The following GABRG2 variants were observed in gnomAD, a reference collection of about 807,000 sequenced individuals.
The protein encoded by GABRG2 is gamma-aminobutyric acid type A receptor subunit gamma2, also known as gamma-aminobutyric acid receptor subunit gamma-2.
GABRG2 carries 16 observed loss-of-function variants against 56.4 expected under a neutral mutation model. The ratio of observed to expected loss-of-function variants is 0.28; its 90% CI spans 0.19 to 0.43. GABRG2 has a LOEUF of 0.43. GABRG2 is among the 20% of genes least tolerant of loss of function. The pLI is 1.00. For synonymous variants in GABRG2, 208 were observed against 205.5 expected (o/e 1.01, Z -0.10); for missense variants, 327 against 582.7 (o/e 0.56, Z 4.52).
At position 162,149,277 on chromosome 5, in the gene GABRG2, A is replaced by G; in HGVS notation, c.1092A>G (p.Lys364=). The part of the protein sequence containing the change: ...GTLHYFVSNR[K]PSKDKDKKKK... The stretch of plus-strand genomic sequence containing the variant: ...TGCATTATTTTGTCAGCAACCGGAA[A>G]CCAAGCAAGGACAAAGATAAAAAGA... The change falls in exon 8 of 10, where the codon AAA becomes AAG. Residue 364 remains lysine, a synonymous_variant. Coordinates refer to ENST00000639213, the MANE Select transcript of GABRG2 (RefSeq NM_198904.4). 6.2e-7 allele frequency: 1 copy of G among 1,614,092 alleles called. No homozygotes were observed. Among genetic ancestry groups the G allele is most frequent in the Non-Finnish European group, 8.5e-7 (1 of 1,180,012 alleles).
intron 1 of GABRG2, among the ~76,000 whole-genome samples, chr5:162,075,585 C>T (rs1315301971): frequency 1.3e-5 from 2 of 152,098 alleles, no homozygotes; most frequent in South Asian, 2.1e-4. Context: ...ATACAACTCA[C>T]CTTTCATAGC....
At chr5:162,138,238 GT>G (rs1371664953) in intron 6 of GABRG2, among the ~76,000 whole-genome samples, 1 of 151,790 alleles carries the variant, frequency 6.6e-6, no homozygotes. Context: ...TTGGATCTTT[GT>G]TCCATCTTAA....
rs556587507 is a variant in GABRG2, at chr5:162,131,471, A to G, written c.770-10693A>G. ...AAACATCACTTTAAGAGTATTCCCA[A>G]CTATACTCTTCTTCTTTCTCCTCCA... On this transcript the variant is annotated intron_variant, in intron 6 of 9. Transcript: ENST00000639213. Among the ~76,000 whole-genome samples, 38 of 152,024 alleles carry G rather than the reference A, an allele frequency of 2.5e-4. 1 individual carries two copies. Among genetic ancestry groups the G allele is most frequent in the African/African-American group, 8.9e-4 (37 of 41,512 alleles).
At chr5:162,116,460 T>G (rs1329334382) in intron 6 of GABRG2, among the ~76,000 whole-genome samples, 2 of 151,820 alleles carry the variant, frequency 1.3e-5, no homozygotes, top group Admixed American at 1.3e-4. Flanking sequence ...GGGGAAATAA[T>G]AGAAGAGTAA....
At chr5:162,098,216 T>G (rs934479255) in intron 4 of GABRG2, 29 of 266,064 alleles carry the variant, frequency 1.1e-4, no homozygotes, top group Admixed American at 5.1e-4. Flanking sequence ...AAATAGTTGC[T>G]AAAAGAGAAT....
intron 6 of GABRG2, among the ~76,000 whole-genome samples, chr5:162,109,711 T>C (rs1309009088): frequency 6.6e-6 from 1 of 152,068 alleles, no homozygotes; most frequent in Non-Finnish European, 1.5e-5. Context: ...CTATTATATA[T>C]ATTTTCCATT....
chr5:162,086,554 AT>A (rs1760129788), intron 1 of GABRG2, among the ~76,000 whole-genome samples: 1 of 152,052 alleles, frequency 6.6e-6, no homozygotes, highest in African/African-American at 2.4e-5. Flanking sequence ...TGAAAATAAA[AT>A]ATTGCCAATG....
chr5:162,146,263 C>A (rs866137641), intron 7 of GABRG2, among the ~76,000 whole-genome samples: 47 of 152,164 alleles, frequency 3.1e-4, no homozygotes, highest in Non-Finnish European at 5.9e-4. Flanking sequence ...GTTCAGAGCA[C>A]AGCATTTGAA....
chr5:162,122,201 A>C (rs1021094992), intron 6 of GABRG2, among the ~76,000 whole-genome samples: 2 of 151,996 alleles, frequency 1.3e-5, no homozygotes, highest in African/African-American at 4.8e-5. Context: ...ACTTGAACTA[A>C]TTTTAAATTA....
chr5:162,082,481 A>T (rs1287141013), intron 1 of GABRG2, among the ~76,000 whole-genome samples: 2 of 151,800 alleles, frequency 1.3e-5, no homozygotes, highest in Non-Finnish European at 3.0e-5. Flanking sequence ...GAATGTTTTC[A>T]AATTTCATTG....
In GABRG2 at chr5:162,094,025, A is replaced by T. The variant is rs376166899; in HGVS notation, c.259+46A>T. ...TTGTGCTATAGATAGGAGCACATAA[A>T]CATGTCTACTTTAATAGATAAAACA... is the stretch of plus-strand genomic sequence containing the variant. On this transcript the variant is annotated intron_variant, in intron 2 of 9. Transcript: ENST00000639213. 1.9e-5 allele frequency: 30 copies of T among 1,588,694 alleles called. No individual in the cohort carries two copies. The African/African-American group carries it at 3.9e-4, about 21-fold the overall frequency.
At chr5:162,071,374 G>T (rs1039470732) in intron 1 of GABRG2, among the ~76,000 whole-genome samples, 1 of 151,428 alleles carries the variant, frequency 6.6e-6, no homozygotes, top group African/African-American at 2.4e-5. Context: ...AATAAAACAA[G>T]ATTTTGTAAT....
chr5:162,105,432 C>CTTTTT (rs533258756), intron 6 of GABRG2, among the ~76,000 whole-genome samples: 3 of 104,112 alleles, frequency 2.9e-5, no homozygotes, highest in Admixed American at 1.3e-4. Flanking sequence ...GTAGAACAAT[C>CTTTTT]TTTTTTTTTT....
intron 6 of GABRG2, among the ~76,000 whole-genome samples, chr5:162,105,131 TG>T (rs1394961255): frequency 2.0e-5 from 3 of 152,188 alleles, no homozygotes; most frequent in Non-Finnish European, 4.4e-5. Context: ...AAATATTTTT[TG>T]CGTATGGAAT....
chr5:162,101,500 C>A, intron 5 of GABRG2, 183 bp downstream of exon 5: 1 of 620,432 alleles, frequency 1.6e-6, no homozygotes, highest in Non-Finnish European at 2.9e-6. Flanking sequence ...GTGATTCCTG[C>A]AAAAGAAGGG....
chr5:162,155,212 CAA>C lies in GABRG2; in HGVS notation c.*1846_*1847del, dbSNP rs1753774890. On this transcript the variant is annotated 3_prime_UTR_variant, in exon 10 of 10. Transcript: ENST00000639213. ...ATATCAGTGCTCCAGTATATAACCT[CAA>C]ACAAATGTAAATAGAACGAATTATT... The C allele has an allele frequency of 6.6e-6, 1 of 152,474 alleles. No individual in the cohort carries two copies. Among genetic ancestry groups the C allele is most frequent in the African/African-American group, 2.4e-5 (1 of 41,424 alleles). The allele number at this position is 152,474 out of a possible 1,614,324, so 9.4% of individuals were successfully genotyped here.
chr5:162,150,216 G>A (rs1765269773), intron 8 of GABRG2: 1 of 152,236 alleles, frequency 6.6e-6, no homozygotes, highest in East Asian at 1.9e-4. Context: ...GTCTTATGGG[G>A]CTCCTATGAG....
intron 1 of GABRG2, among the ~76,000 whole-genome samples, chr5:162,090,556 T>C (rs1000266086): frequency 6.6e-6 from 1 of 152,108 alleles, no homozygotes; most frequent in Non-Finnish European, 1.5e-5. Context: ...ACTAAGGTGA[T>C]TTTCTAACCA....
chr5:162,153,495 C>A lies in GABRG2; in HGVS notation c.*127C>A. 1 of 1,186,882 alleles carries A rather than the reference C, an allele frequency of 8.4e-7. No individual in the cohort carries two copies. Among genetic ancestry groups the A allele is most frequent in the Non-Finnish European group, 1.2e-6 (1 of 803,720 alleles). 73.5% of individuals were successfully genotyped at this position (1,186,882 alleles called of 1,614,324 possible). On this transcript the variant is annotated 3_prime_UTR_variant, in exon 10 of 10. Coordinates refer to ENST00000639213, the MANE Select transcript of GABRG2 (RefSeq NM_198904.4). ...TCTGAATCTGTTTCTATGTCCAAAC[C>A]TGGTAAATTTTATAATGTCATATTG...
Sources: allele counts gnomAD v4.1 joint callset (sites outside exome capture counted in the v4.1 genomes callset), GRCh38; gene constraint gnomAD v4.1.1; transcripts MANE v1.5; gene names NCBI Gene and HGNC (gene_info 2026-07-23, HGNC 2026-07-21).